PHKB: variants seen among roughly 807,000 people sequenced by gnomAD.
PHKB encodes phosphorylase b kinase regulatory subunit beta.
In PHKB, 122 loss-of-function variants were observed where a neutral mutation model predicts 152.1. The observed-to-expected ratio is 0.80, with a 90% CI of 0.69 to 0.93. The LOEUF is 0.93. Ranked by LOEUF, PHKB falls within the 40% of genes least tolerant of loss-of-function variation. The pLI is 0.00. For synonymous variants in PHKB, 436 were observed against 464.9 expected, an observed-to-expected ratio of 0.94 and a Z score of 0.80; for missense variants, 1,304 against 1,328.4, an observed-to-expected ratio of 0.98 and a Z score of 0.29.
At chr16:47,694,283 GAGA>G (rs758524430) in intron 28 of PHKB, among the ~76,000 whole-genome samples, 7 of 152,192 alleles carry the variant, frequency 4.6e-5, no homozygotes, top group Non-Finnish European at 1.0e-4. Flanking sequence ...ATACACAAAA[GAGA>G]AGGATTAGCC....
At chr16:47,499,963 T>C in intron 3 of PHKB, 69 bp downstream of exon 3, 2 of 1,570,574 alleles carry the variant, frequency 1.3e-6, no homozygotes, top group East Asian at 4.5e-5. Flanking sequence ...CCAAGACTAA[T>C]TGAGCCGCTA....
At position 47,564,970 on chromosome 16, in the gene PHKB, T is replaced by C. The variant is rs191263336; in HGVS notation, c.711-15325T>C. The C allele has an allele frequency of 4.6e-3, 1,133 of 246,076 alleles. 15 individuals carry two copies. Among genetic ancestry groups the C allele is most frequent in the African/African-American group, 0.025 (1,068 of 43,540 alleles). 15.2% of individuals were successfully genotyped at this position (246,076 alleles called of 1,614,324 possible). On this transcript the variant is annotated intron_variant, in intron 7 of 30. Transcript: ENST00000323584. ...TTGGTCTGTGTGTCTTTTTTTTTTT[T>C]TCCCCCAGGAGATGGTGAGTTTTAT... is the stretch of plus-strand genomic sequence containing the variant.
intron 6 of PHKB, 100 bp from the exon 7 acceptor site, chr16:47,547,333 T>C: frequency 1.4e-6 from 1 of 735,328 alleles, no homozygotes; most frequent in South Asian, 1.4e-5. Flanking sequence ...ATCCCTCCCC[T>C]CAGCCTCCCA....
At chr16:47,679,769 C>G (rs1973812630) in intron 26 of PHKB, among the ~76,000 whole-genome samples, 1 of 152,170 alleles carries the variant, frequency 6.6e-6, no homozygotes, top group African/African-American at 2.4e-5. Context: ...ATTTCCTTCT[C>G]CTGCCTAATT....
intron 3 of PHKB, among the ~76,000 whole-genome samples, chr16:47,500,710 AAAG>A (rs1162831670): frequency 2.6e-5 from 4 of 152,164 alleles, no homozygotes; most frequent in Non-Finnish European, 5.9e-5. Flanking sequence ...TAAAAAAAAA[AAAG>A]AAATAGTTAG....
At chr16:47,556,860 G>C (rs1343113563) in intron 7 of PHKB, among the ~76,000 whole-genome samples, 4 of 152,152 alleles carry the variant, frequency 2.6e-5, no homozygotes, top group African/African-American at 4.8e-5. Flanking sequence ...GCTCCTCCTT[G>C]TACCTCAGGT....
At chr16:47,555,504 G>T (rs982531225) in intron 7 of PHKB, among the ~76,000 whole-genome samples, 9 of 151,956 alleles carry the variant, frequency 5.9e-5, no homozygotes, top group African/African-American at 2.2e-4. Flanking sequence ...CTTTATTTTA[G>T]CTCTCTTCAG....
At chr16:47,591,273 G>A (rs1972024607) in intron 10 of PHKB, among the ~76,000 whole-genome samples, 2 of 151,922 alleles carry the variant, frequency 1.3e-5, no homozygotes, top group Non-Finnish European at 2.9e-5. Flanking sequence ...TCTTTCTCTT[G>A]GTGCCACACA....
intron 25 of PHKB, chr16:47,665,662 G>T: frequency 4.0e-6 from 2 of 504,234 alleles, no homozygotes; most frequent in Non-Finnish European, 3.6e-6. Flanking sequence ...ATAATAATTA[G>T]GTTTTCTTTT....
intron 1 of PHKB, among the ~76,000 whole-genome samples, chr16:47,476,452 T>G (rs900255003): frequency 6.6e-6 from 1 of 152,178 alleles, no homozygotes; most frequent in Non-Finnish European, 1.5e-5. Context: ...TTAATAGGCT[T>G]GTAGCTTTGA....
intron 6 of PHKB, among the ~76,000 whole-genome samples, chr16:47,524,871 A>G (rs1348430233): frequency 6.6e-6 from 1 of 152,196 alleles, no homozygotes; most frequent in Non-Finnish European, 1.5e-5. Context: ...GGAACACTTT[A>G]ATATTTTTCT....
At position 47,543,591 on chromosome 16, in the gene PHKB, G is replaced by GTACC. The variant is rs567671899; in HGVS notation, c.595-3840_595-3837dup. Among the ~76,000 whole-genome samples the GTACC allele has an allele frequency of 3.5e-3, 539 of 152,254 alleles. 1 individual carries two copies. Among genetic ancestry groups the GTACC allele is most frequent in the Non-Finnish European group, 6.1e-3 (414 of 68,028 alleles). The stretch of plus-strand genomic sequence containing the variant: ...GAAGGCATGGTACCAGCTGCTCCTT[G>GTACC]TACCTCTGGTACAATTCGGCTGTGA... On this transcript the variant is annotated intron_variant, in intron 6 of 30. Coordinates refer to ENST00000323584, the MANE Select transcript of PHKB (RefSeq NM_000293.3).
intron 10 of PHKB, chr16:47,590,172 A>G (rs1300325780): frequency 1.3e-5 from 2 of 152,182 alleles, no homozygotes; most frequent in African/African-American, 4.8e-5. Flanking sequence ...TGTAGAAAAT[A>G]TGTAGGCAAC....
At chr16:47,529,596 TTGCCTCCCAAAGTGC>T (rs1467204805) in intron 6 of PHKB, 1 of 151,968 alleles carries the variant, frequency 6.6e-6, no homozygotes, top group African/African-American at 2.4e-5. Context: ...TCCGCCCACC[TTGCCTCCCAAAGTGC>T]TGGGATTACA....
At chr16:47,649,234 G>C (rs1338199412) in intron 18 of PHKB, 30 bp downstream of exon 18, 2 of 1,148,526 alleles carry the variant, frequency 1.7e-6, no homozygotes, top group African/African-American at 1.5e-5. Context: ...CTTAAAAATG[G>C]AATGAGTTTG....
intron 7 of PHKB, among the ~76,000 whole-genome samples, chr16:47,560,697 G>A (rs1380085692): frequency 6.6e-6 from 1 of 152,058 alleles, no homozygotes; most frequent in Non-Finnish European, 1.5e-5. Context: ...TGGGACAGCT[G>A]GATGTCCACA....
At chr16:47,503,303 ATTG>A (rs1970355153) in intron 4 of PHKB, among the ~76,000 whole-genome samples, 1 of 152,184 alleles carries the variant, frequency 6.6e-6, no homozygotes, top group Non-Finnish European at 1.5e-5. Flanking sequence ...GTGATTGAGA[ATTG>A]TTATTTAGAC....
intron 14 of PHKB, among the ~76,000 whole-genome samples, chr16:47,621,633 C>T (rs1972619229): frequency 6.6e-6 from 1 of 152,078 alleles, no homozygotes; most frequent in Non-Finnish European, 1.5e-5. Context: ...AGAAATAAAG[C>T]GTTTGTGTGG....
intron 6 of PHKB, among the ~76,000 whole-genome samples, chr16:47,522,610 A>C (rs150750649): frequency 0.018 from 2,448 of 139,018 alleles, 231 homozygotes; most frequent in Admixed American, 0.15. Flanking sequence ...TATTTTTTCT[A>C]GTTTCTTGTG....
Sources: allele counts gnomAD v4.1 joint callset (sites outside exome capture counted in the v4.1 genomes callset), GRCh38; gene constraint gnomAD v4.1.1; transcripts MANE v1.5; gene names NCBI Gene and HGNC (gene_info 2026-07-23, HGNC 2026-07-21).